The following LMNA variants were observed in gnomAD, a reference collection of about 807,000 sequenced individuals.
LMNA encodes the protein lamin.
In LMNA, 20 loss-of-function variants were observed where a neutral mutation model predicts 70.4. The observed-to-expected ratio is 0.28, with a 90% confidence interval of 0.20 to 0.41. The LOEUF (loss-of-function observed/expected upper bound fraction) is 0.41, where lower values mean the gene tolerates loss of function less well. Ranked by LOEUF, LMNA falls within the 10% of genes least tolerant of loss-of-function variation. The probability of loss-of-function intolerance (pLI) is 1.00; values close to 1 mark genes in which losing one functional copy is unlikely to be tolerated. For synonymous variants in LMNA, 339 were observed against 372.8 expected (o/e 0.91, Z 1.04); for missense variants, 652 against 917.2 (o/e 0.71, Z 3.73).
chr1:156,084,004 G>A (rs1189752491), intron 2 of LMNA, among the ~76,000 whole-genome samples: 1 of 152,116 alleles, frequency 6.6e-6, no homozygotes, highest in Admixed American at 6.5e-5. Context: ...TTTCCCAAGG[G>A]AAGAAGGGAT....
At chr1:156,132,767 C>T (rs1262928297) in intron 2 of LMNA, among the ~76,000 whole-genome samples, 1 of 151,920 alleles carries the variant, frequency 6.6e-6, no homozygotes, top group Non-Finnish European at 1.5e-5. Context: ...CCTGGATGCA[C>T]TGATCAGCCT....
intron 2 of LMNA, among the ~76,000 whole-genome samples, chr1:156,133,081 C>A (rs1483946108): frequency 2.0e-5 from 3 of 151,432 alleles, no homozygotes; most frequent in African/African-American, 7.3e-5. Context: ...CTTAGGTGTT[C>A]TGCCCGCCTC....
Position 156,120,807 on chromosome 1 carries a change from C to G in LMNA, c.356+5533C>G, listed in dbSNP as rs1650133907. On this transcript the variant is annotated intron_variant, in intron 1 of 11. Transcript: ENST00000368300. ...CTCCAGCCTATACCTGGACCCAGGA[C>G]CCCTGCCAGCCCCTCAATCGTGAGA... Among the ~76,000 whole-genome samples, 3 of 152,298 alleles carry G rather than the reference C, an allele frequency of 2.0e-5. No homozygotes were observed. In the South Asian group the frequency reaches 6.2e-4, roughly 32 times the overall value.
In LMNA at chr1:156,139,600, A is replaced by G; in HGVS notation, c.*494A>G. ...CAGCCTCCGAGAGGGAGAGAGAGAG[A>G]GAGAGGACAGCTTGAGCCGGGCCCC... On this transcript the variant is annotated 3_prime_UTR_variant, in exon 12 of 12. Coordinates refer to ENST00000368300, the MANE Select transcript of LMNA (RefSeq NM_170707.4). 1 of 1,413,540 alleles carries G rather than the reference A, an allele frequency of 7.1e-7. No homozygotes were observed. The highest frequency in any genetic ancestry group is 1.5e-5 in the African/African-American group (1 of 67,818). The allele number at this position is 1,413,540 out of a possible 1,614,324, so 87.6% of individuals were successfully genotyped here. A position where few individuals can be genotyped will look rare whatever the true frequency, so the allele number is the denominator to read the frequency against.
Position 156,136,876 on chromosome 1 carries a change from C to T in LMNA, c.1381-45C>T, listed in dbSNP as rs1319227153. 3.9e-6 allele frequency: 6 copies of T among 1,530,144 alleles called. No homozygotes were observed. The highest frequency in any genetic ancestry group is 4.5e-6 in the Non-Finnish European group (5 of 1,115,390). 94.8% of individuals were successfully genotyped at this position (1,530,144 alleles called of 1,614,324 possible). A position where few individuals can be genotyped will look rare whatever the true frequency, so the allele number is the denominator to read the frequency against. ...CTTTGAGCAAGATACACCCAAGAGC[C>T]TGGGTGAGCCTCCCCGACCTTCCTC... On this transcript the variant is annotated intron_variant, in intron 7 of 11. Transcript: ENST00000368300. This position sits in a 1 kb window ranked among gnomAD's most constrained non-coding sequence, Gnocchi z 6.1.
At position 156,139,720 on chromosome 1, in the gene LMNA, G is replaced by A; in HGVS notation, c.*614G>A. ...ACCCCTGCCCCCAGCCCCGGGGTGAGTCCATTCTCCCAGGTACCAGCTGCG... is the reference window on the plus strand; with the variant it reads ...ACCCCTGCCCCCAGCCCCGGGGTGAATCCATTCTCCCAGGTACCAGCTGCG... On this transcript the variant is annotated 3_prime_UTR_variant, in exon 12 of 12. Coordinates refer to ENST00000368300, the MANE Select transcript of LMNA (RefSeq NM_170707.4). 1 of 1,529,424 alleles carries A rather than the reference G, an allele frequency of 6.5e-7. No homozygotes were observed. The highest frequency in any genetic ancestry group is 2.0e-5 in the Admixed American group (1 of 50,824). 94.7% of individuals were successfully genotyped at this position (1,529,424 alleles called of 1,614,324 possible).
intron 1 of LMNA, among the ~76,000 whole-genome samples, chr1:156,116,365 CCTT>C (rs1343783054): frequency 4.2e-5 from 6 of 144,250 alleles, no homozygotes; most frequent in African/African-American, 5.1e-5. Flanking sequence ...CTCAACTGCA[CCTT>C]CTTCTTTTCT....
intron 3 of LMNA, among the ~76,000 whole-genome samples, chr1:156,102,170 G>A (rs964119026): frequency 1.3e-5 from 2 of 152,236 alleles, no homozygotes; most frequent in Non-Finnish European, 2.9e-5. Context: ...CCCAAAGGGA[G>A]GAATGTGCCT....
chr1:156,139,712 CG>C lies in LMNA; in HGVS notation c.*610del. 6.5e-7 allele frequency: 1 copy of C among 1,529,920 alleles called. No homozygotes were observed. The highest frequency in any genetic ancestry group is 8.7e-7 in the Non-Finnish European group (1 of 1,144,562). 94.8% of individuals were successfully genotyped at this position (1,529,920 alleles called of 1,614,324 possible). The stretch of plus-strand genomic sequence containing the variant: ...CAGTCCCCACCCCTGCCCCCAGCCC[CG>C]GGGTGAGTCCATTCTCCCAGGTACC... On this transcript the variant is annotated 3_prime_UTR_variant, in exon 12 of 12. Transcript: ENST00000368300.
intron 3 of LMNA, among the ~76,000 whole-genome samples, chr1:156,096,315 G>GC (rs765327888): frequency 3.7e-4 from 56 of 152,200 alleles, no homozygotes; most frequent in African/African-American, 1.3e-3. Flanking sequence ...TTACCTGTGA[G>GC]CCCTATGCAA....
intron 3 of LMNA, chr1:156,090,916 G>A (rs965249979): frequency 2.0e-5 from 3 of 152,174 alleles, no homozygotes; most frequent in Non-Finnish European, 2.9e-5. Flanking sequence ...TCCTAGAAGC[G>A]GCTCCAGCCT....
intron 2 of LMNA, among the ~76,000 whole-genome samples, chr1:156,086,388 C>T (rs1270328242): frequency 8.2e-6 from 1 of 122,280 alleles, no homozygotes; most frequent in East Asian, 2.4e-4. Flanking sequence ...TGCAGGTGAC[C>T]TCTGACTCTC....
At chr1:156,089,426 C>G (rs1027630380) in intron 2 of LMNA, among the ~76,000 whole-genome samples, 28 of 150,978 alleles carry the variant, frequency 1.9e-4, no homozygotes, top group Non-Finnish European at 2.9e-4. Flanking sequence ...CTCCTGAGTA[C>G]CTGGGATTAC....
In LMNA at chr1:156,114,883, C is replaced by T. The variant is rs1401881746; in HGVS notation, c.-36C>T. ...CCGAGCCCCGCGCCCTTTCCGGGAC[C>T]CCTGCCCCGCGGGCAGCGCTGCCAA... On this transcript the variant is annotated 5_prime_UTR_variant, in exon 1 of 12. Coordinates refer to ENST00000368300, the MANE Select transcript of LMNA (RefSeq NM_170707.4). The T allele has an allele frequency of 1.4e-6, 2 of 1,450,402 alleles. No homozygotes were observed. Among genetic ancestry groups the T allele is most frequent in the Non-Finnish European group, 9.3e-7 (1 of 1,079,182 alleles). 89.8% of individuals were successfully genotyped at this position (1,450,402 alleles called of 1,614,324 possible).
intron 3 of LMNA, among the ~76,000 whole-genome samples, chr1:156,104,078 T>A (rs1649235517): frequency 1.3e-5 from 2 of 152,238 alleles, no homozygotes; most frequent in Non-Finnish European, 2.9e-5. Flanking sequence ...CCCCAAGAGA[T>A]GTCCCAGAGT....
intron 3 of LMNA, among the ~76,000 whole-genome samples, chr1:156,105,166 G>A (rs976345675): frequency 2.0e-5 from 3 of 152,156 alleles, no homozygotes; most frequent in Non-Finnish European, 2.9e-5. Flanking sequence ...GAGCTCACCC[G>A]GCAAAGAGGG....
intron 1 of LMNA, chr1:156,126,866 G>A (rs1168266972): frequency 6.2e-7 from 1 of 1,611,844 alleles, no homozygotes; most frequent in Non-Finnish European, 8.5e-7. Context: ...CACTCTGCTG[G>A]CACAGCACCC....
chr1:156,099,741 C>G (rs1401679410), intron 3 of LMNA, among the ~76,000 whole-genome samples: 1 of 151,774 alleles, frequency 6.6e-6, no homozygotes, highest in Non-Finnish European at 1.5e-5. Context: ...CAAAAATTAG[C>G]TGGGCGTGCT....
intron 3 of LMNA, among the ~76,000 whole-genome samples, chr1:156,099,437 T>C (rs796692351): frequency 4.6e-5 from 7 of 152,296 alleles, no homozygotes; most frequent in African/African-American, 1.7e-4. Flanking sequence ...TTGTGCAACA[T>C]TGGACCCTTT....
Sources: gnomAD v4.1 joint callset for allele counts (sites outside exome capture counted in the v4.1 genomes callset) on GRCh38, gnomAD v4.1.1 for gene constraint, Gnocchi (gnomAD v3.1) non-coding constraint, MANE v1.5 for transcripts, NCBI Gene and HGNC (gene_info 2026-07-23, HGNC 2026-07-21) for gene names.